The following ACTR3C variants were observed in gnomAD, a reference collection of about 807,000 sequenced individuals.
ACTR3C encodes the protein actin-related protein 3C.
Under a neutral mutation model 26.3 loss-of-function variants are expected in ACTR3C, and 18 were observed. The ratio of observed to expected loss-of-function variants is 0.68; its 90% CI spans 0.47 to 1.01. The LOEUF is 1.01. Among genes scored for constraint, ACTR3C ranks in the 50% least tolerant of loss-of-function variants. ACTR3C has a pLI of 0.00. For missense variants in ACTR3C, 184 were observed against 250.7 expected (o/e 0.73, Z 1.80); for synonymous variants, 55 against 94.5 (o/e 0.58, Z 2.42).
intron 1 of ACTR3C, among the ~76,000 whole-genome samples, chr7:150,296,370 T>C (rs1460914953): frequency 6.7e-6 from 1 of 149,154 alleles, no homozygotes; most frequent in African/African-American, 2.5e-5. Flanking sequence ...AAAAAAAATA[T>C]CTGGAAAAAT....
chr7:150,185,250 T>C, the ACTR3C span, among the ~76,000 whole-genome samples: 31 of 151,040 alleles, frequency 2.1e-4, no homozygotes, highest in African/African-American at 5.1e-4. Context: ...TCCTTGTAGA[T>C]TGAATAGTCA....
the ACTR3C span, among the ~76,000 whole-genome samples, chr7:150,088,503 T>A: frequency 1.3e-5 from 2 of 152,230 alleles, no homozygotes; most frequent in Non-Finnish European, 2.9e-5. Context: ...ATTGAATATA[T>A]GGACTAAACC....
At chr7:150,184,767 C>T in the ACTR3C span, among the ~76,000 whole-genome samples, 1 of 148,908 alleles carries the variant, frequency 6.7e-6, no homozygotes, top group Non-Finnish European at 1.5e-5. Context: ...TTTGAGCTCA[C>T]ATAACTGCTT....
chr7:150,189,766 T>G, the ACTR3C span, among the ~76,000 whole-genome samples: 1 of 118,202 alleles, frequency 8.5e-6, no homozygotes, highest in Non-Finnish European at 1.7e-5. Flanking sequence ...AGTACTCAAT[T>G]GTACGGATAT....
At chr7:150,175,834 A>C in the ACTR3C span, among the ~76,000 whole-genome samples, 1 of 143,316 alleles carries the variant, frequency 7.0e-6, no homozygotes, top group African/African-American at 2.9e-5. Context: ...AAAAAAAAAA[A>C]AGAAAGAAAG....
chr7:150,286,293 C>A, intron 5 of ACTR3C, 74 bp downstream of exon 5: 1 of 1,514,772 alleles, frequency 6.6e-7, no homozygotes, highest in Non-Finnish European at 8.9e-7. Context: ...TCGCTGGGAA[C>A]TGCTCTTTCT....
At chr7:150,012,026 C>T in the ACTR3C span, among the ~76,000 whole-genome samples, 643 of 152,088 alleles carry the variant, frequency 4.2e-3, 2 homozygotes, top group African/African-American at 0.015. Context: ...GCAGAATGTC[C>T]GGAAAAGCTT....
the ACTR3C span, among the ~76,000 whole-genome samples, chr7:150,193,056 T>G: frequency 6.6e-6 from 1 of 152,202 alleles, no homozygotes; most frequent in Non-Finnish European, 1.5e-5. Flanking sequence ...CCTTCGGACT[T>G]GTAGCAGACT....
intron 6 of ACTR3C, among the ~76,000 whole-genome samples, chr7:150,273,134 A>C (rs17134508): frequency 0.025 from 3,627 of 147,572 alleles, 178 homozygotes; most frequent in African/African-American, 0.09. Flanking sequence ...ATTATCCCAC[A>C]CAACAGTCTG....
chr7:149,918,494 C>A, the ACTR3C span, among the ~76,000 whole-genome samples: 141,730 of 152,154 alleles, frequency 0.93, 66,856 homozygotes, highest in East Asian at 1. Flanking sequence ...AGTTCGAGAC[C>A]AGGCTGGCCA....
At chr7:150,191,423 A>G in the ACTR3C span, among the ~76,000 whole-genome samples, 1 of 152,214 alleles carries the variant, frequency 6.6e-6, no homozygotes, top group South Asian at 2.1e-4. Flanking sequence ...GCATACATAC[A>G]GATCCTGTAA....
chr7:149,999,276 G>A, the ACTR3C span, among the ~76,000 whole-genome samples: 7 of 150,878 alleles, frequency 4.6e-5, no homozygotes, highest in Admixed American at 4.0e-4. Context: ...ATCATCTGGA[G>A]TACAGAGGAA....
At chr7:149,980,914 T>A in the ACTR3C span, among the ~76,000 whole-genome samples, 1 of 151,870 alleles carries the variant, frequency 6.6e-6, no homozygotes, top group South Asian at 2.1e-4. Context: ...TTTCTTCTGT[T>A]CAGAACTTGA....
intron 1 of ACTR3C, among the ~76,000 whole-genome samples, chr7:150,316,532 C>A (rs761557362): frequency 3.0e-5 from 4 of 133,732 alleles, no homozygotes; most frequent in Admixed American, 1.7e-4. Context: ...TGTTGCCAGG[C>A]GGGAGTGCAG....
At chr7:150,190,322 T>C in the ACTR3C span, among the ~76,000 whole-genome samples, 5 of 152,230 alleles carry the variant, frequency 3.3e-5, no homozygotes, top group Non-Finnish European at 5.9e-5. Context: ...AGAAATGTAA[T>C]TTGCAAATAC....
chr7:150,020,894 C>T, the ACTR3C span, among the ~76,000 whole-genome samples: 175 of 152,150 alleles, frequency 1.2e-3, 2 homozygotes, highest in East Asian at 0.032. Context: ...GATCTCGGCT[C>T]ACTGCAACCT....
the ACTR3C span, among the ~76,000 whole-genome samples, chr7:150,090,772 A>T: frequency 1.3e-5 from 2 of 151,656 alleles, no homozygotes; most frequent in African/African-American, 2.4e-5. Context: ...CTAATTATAA[A>T]GTTGTCACTG....
chr7:150,107,788 T>C, the ACTR3C span, among the ~76,000 whole-genome samples: 2 of 151,466 alleles, frequency 1.3e-5, no homozygotes, highest in Non-Finnish European at 2.9e-5. Flanking sequence ...TTTTAAATAA[T>C]GGACAGTATT....
At chr7:150,202,383 C>T in the ACTR3C span, among the ~76,000 whole-genome samples, 46 of 152,092 alleles carry the variant, frequency 3.0e-4, 1 homozygote, top group Admixed American at 2.9e-3. Flanking sequence ...TTTACTGTTA[C>T]TATTTGATTC....
Sources: allele counts gnomAD v4.1 joint callset (sites outside exome capture counted in the v4.1 genomes callset), GRCh38; gene constraint gnomAD v4.1.1; transcripts MANE v1.5; gene names NCBI Gene and HGNC (gene_info 2026-07-23, HGNC 2026-07-21).